Variants in NKX2-5 observed in about 807,000 individuals in gnomAD.
NKX2-5 encodes homeobox protein Nkx-2.5.
Under a neutral mutation model 24.5 loss-of-function variants are expected in NKX2-5, and 3 were observed. The ratio of observed to expected loss-of-function variants is 0.12; its 90% CI spans 0.06 to 0.32. NKX2-5 has a LOEUF of 0.32. NKX2-5 is among the 10% of genes least tolerant of loss of function. The probability of loss-of-function intolerance (pLI) is 1.00; values close to 1 mark genes in which losing one functional copy is unlikely to be tolerated. For synonymous variants in NKX2-5, 215 were observed against 217.6 expected, an observed-to-expected ratio of 0.99 and a Z score of 0.11; for missense variants, 429 against 452.4, an observed-to-expected ratio of 0.95 and a Z score of 0.47.
At position 173,232,946 on chromosome 5, in the gene NKX2-5, G is replaced by T. The variant is rs763219076; in HGVS notation, c.598C>A (p.Gln200Lys). Residue 200 changes from glutamine to lysine, a missense_variant, in exon 2 of 2, where the codon CAG becomes AAG. By Grantham distance (53) the Gln-to-Lys change is moderately conservative. Transcript: ENST00000329198. This position sits in a 1 kb window ranked among gnomAD's most constrained non-coding sequence, Gnocchi z 5.9. ...RYKCKRQRQD[Q>K]TLELVGLPPP... The stretch of plus-strand genomic sequence containing the variant: ...GGCAGCCCCACCAGCTCCAGAGTCT[G>T]GTCCTGCCGCTGCCGCTTGCACTTG... 1 of 1,606,288 alleles carries T rather than the reference G, an allele frequency of 6.2e-7. No homozygotes were observed. Among genetic ancestry groups the T allele is most frequent in the Non-Finnish European group, 8.5e-7 (1 of 1,177,212 alleles).
At chr5:173,233,310 G>A (rs751313458) in intron 1 of NKX2-5, 101 bp from the exon 2 acceptor site, 26 of 1,540,704 alleles carry the variant, frequency 1.7e-5, no homozygotes, top group Non-Finnish European at 1.7e-6. Context: ...GGAGGCCACT[G>A]TGTCCTGCCT....
At position 173,232,505 on chromosome 5, in the gene NKX2-5, C is replaced by T. The variant is rs749630592; in HGVS notation, c.*64G>A. 46 of 1,588,968 alleles carry T rather than the reference C, an allele frequency of 2.9e-5. No homozygotes were observed. Among genetic ancestry groups the T allele is most frequent in the Non-Finnish European group, 3.7e-5 (43 of 1,175,062 alleles). On this transcript the variant is annotated 3_prime_UTR_variant, in exon 2 of 2. Coordinates refer to ENST00000329198, the MANE Select transcript of NKX2-5 (RefSeq NM_004387.4). The surrounding 1 kb of genome is among the most constrained non-coding windows in gnomAD (Gnocchi z 5.9). The stretch of plus-strand genomic sequence containing the variant: ...AGGGTCATGTTGGGAGCCCCTTCTC[C>T]CCCCGAGAGTCAGGGAGCTGTTGAG...
At position 173,232,686 on chromosome 5, in the gene NKX2-5, G is replaced by A. The variant is rs775959611; in HGVS notation, c.858C>T (p.Ala286=). The A allele has an allele frequency of 3.1e-6, 5 of 1,610,876 alleles. No individual in the cohort carries two copies. The highest frequency in any genetic ancestry group is 3.4e-6 in the Non-Finnish European group (4 of 1,178,176). The change falls in exon 2 of 2, where the codon GCC becomes GCT. Residue 286 remains alanine, a synonymous_variant. Coordinates refer to ENST00000329198, the MANE Select transcript of NKX2-5 (RefSeq NM_004387.4). This position sits in a 1 kb window ranked among gnomAD's most constrained non-coding sequence, Gnocchi z 5.9. ...AGPSPAQPAT[A]AANNNFVNFG... is the part of the protein sequence containing the mutation. Reference sequence around the variant, plus strand: ...AGTTCACGAAGTTGTTGTTGGCGGCGGCAGTGGCCGGCTGCGCTGGGGAAG... The same window carrying A: ...AGTTCACGAAGTTGTTGTTGGCGGCAGCAGTGGCCGGCTGCGCTGGGGAAG...
chr5:173,233,662 T>A (rs901752760), intron 1 of NKX2-5, among the ~76,000 whole-genome samples: 3 of 152,114 alleles, frequency 2.0e-5, no homozygotes, highest in Non-Finnish European at 4.4e-5. Context: ...AATTAAGGAA[T>A]CAAGAAACAG....
At chr5:173,233,579 T>C in intron 1 of NKX2-5, 1 of 751,804 alleles carries the variant, frequency 1.3e-6, no homozygotes, top group Non-Finnish European at 2.1e-6. Flanking sequence ...TGAACTGAAT[T>C]AGGGCTAGTT....
chr5:173,233,942 C>T (rs1761400033), intron 1 of NKX2-5: 1 of 1,188,922 alleles, frequency 8.4e-7, no homozygotes, highest in Non-Finnish European at 1.1e-6. Flanking sequence ...CGGGAATCGC[C>T]CGGGCTCCTG....
rs1761402435 is a variant in NKX2-5, at chr5:173,234,021, G to A, written c.334+729C>T. On this transcript the variant is annotated intron_variant, in intron 1 of 1. Coordinates refer to ENST00000329198, the MANE Select transcript of NKX2-5 (RefSeq NM_004387.4). ...GGCCGGCCTCCCTCCCCGATCCTGGGATGGCCTGCGGGATGATCCCGCACT... is the reference window on the plus strand; with the variant it reads ...GGCCGGCCTCCCTCCCCGATCCTGGAATGGCCTGCGGGATGATCCCGCACT... 2.3e-6 allele frequency: 3 copies of A among 1,277,362 alleles called. No individual in the cohort carries two copies. The South Asian group carries it at 3.8e-5, about 16-fold the overall frequency. The allele number at this position is 1,277,362 out of a possible 1,614,324, so 79.1% of individuals were successfully genotyped here.
intron 1 of NKX2-5, chr5:173,233,442 C>T (rs1424496401): frequency 6.5e-7 from 1 of 1,531,302 alleles, no homozygotes; most frequent in Non-Finnish European, 8.7e-7. Flanking sequence ...CGGGAGGTCT[C>T]TGCCCTCGGG....
intron 1 of NKX2-5, chr5:173,234,181 G>C (rs996383524): frequency 5.7e-5 from 73 of 1,276,494 alleles, no homozygotes; most frequent in Non-Finnish European, 7.4e-5. Flanking sequence ...AGGGTCCGCA[G>C]TATCCCATTT....
At chr5:173,233,354 A>G in intron 1 of NKX2-5, 145 bp from the exon 2 acceptor site, 1 of 1,537,016 alleles carries the variant, frequency 6.5e-7, no homozygotes, top group Non-Finnish European at 8.7e-7. Context: ...CACTCTGCCA[A>G]GTGCACTGGG....
intron 1 of NKX2-5, chr5:173,234,127 G>A: frequency 7.8e-7 from 1 of 1,289,216 alleles, no homozygotes; most frequent in Non-Finnish European, 1.0e-6. Context: ...CCCTGGCCGC[G>A]CCGGCAAGTT....
In NKX2-5 at chr5:173,232,520, G is replaced by C. The variant is rs748427974; in HGVS notation, c.*49C>G. 3 of 1,597,488 alleles carry C rather than the reference G, an allele frequency of 1.9e-6. No individual in the cohort carries two copies. The highest frequency in any genetic ancestry group is 8.5e-7 in the Non-Finnish European group (1 of 1,178,688). Reference sequence around the variant, plus strand: ...GCCCCTTCTCCCCCCGAGAGTCAGGGAGCTGTTGAGGTGGGATCGGTCAGG... The same window carrying C: ...GCCCCTTCTCCCCCCGAGAGTCAGGCAGCTGTTGAGGTGGGATCGGTCAGG... On this transcript the variant is annotated 3_prime_UTR_variant, in exon 2 of 2. Coordinates refer to ENST00000329198, the MANE Select transcript of NKX2-5 (RefSeq NM_004387.4). The surrounding 1 kb of genome is among the most constrained non-coding windows in gnomAD (Gnocchi z 5.9).
intron 1 of NKX2-5, chr5:173,233,633 A>G (rs1467114824): frequency 4.6e-6 from 3 of 651,942 alleles, no homozygotes; most frequent in Non-Finnish European, 5.0e-6. Flanking sequence ...CCTCACTGCT[A>G]GGGACGGTCT....
In NKX2-5 at chr5:173,234,822, C is replaced by A; in HGVS notation, c.262G>T (p.Ala88Ser). 1.3e-6 allele frequency: 2 copies of A among 1,584,598 alleles called. No individual in the cohort carries two copies. The highest frequency in any genetic ancestry group is 1.2e-5 in the South Asian group (1 of 86,674). Residue 88 changes from alanine to serine, a missense_variant, in exon 1 of 2, where the codon GCC (alanine) becomes TCC (serine). Physicochemically the swap from Ala to Ser is moderately conservative, Grantham distance 99. Coordinates refer to ENST00000329198, the MANE Select transcript of NKX2-5 (RefSeq NM_004387.4). ...GCACGTGGATAGAAGGCGGGGGCGG[C>A]GGGAAAGGCAGACGCACACTTGGCC... ...SPAKCASAFP[A>S]APAFYPRAYS...
Position 173,232,945 on chromosome 5 carries a change from T to C in NKX2-5, c.599A>G (p.Gln200Arg). Residue 200 changes from glutamine (Q) to arginine (R), a missense_variant, in exon 2 of 2, where the codon CAG (glutamine) becomes CGG (arginine). Gln to Arg is a conservative substitution (Grantham distance 43, BLOSUM62 1). This residue lies in a region of NKX2-5 where 183 missense variants were observed against 185.9 expected (regional missense o/e 0.98). Coordinates refer to ENST00000329198, the MANE Select transcript of NKX2-5 (RefSeq NM_004387.4). The surrounding 1 kb of genome is among the most constrained non-coding windows in gnomAD (Gnocchi z 5.9). ...RYKCKRQRQD[Q>R]TLELVGLPPP... ...GGGCAGCCCCACCAGCTCCAGAGTC[T>C]GGTCCTGCCGCTGCCGCTTGCACTT... The C allele has an allele frequency of 6.2e-7, 1 of 1,606,080 alleles. No individual in the cohort carries two copies. Among genetic ancestry groups the C allele is most frequent in the Non-Finnish European group, 8.5e-7 (1 of 1,177,044 alleles).
intron 1 of NKX2-5, 56 bp from the exon 2 acceptor site, chr5:173,233,265 A>G: frequency 6.4e-7 from 1 of 1,571,372 alleles, no homozygotes; most frequent in South Asian, 1.1e-5. Flanking sequence ...TGACCTACGG[A>G]GCGCGGCCGC....
chr5:173,233,867 T>C (rs1761397618), intron 1 of NKX2-5: 1 of 985,332 alleles, frequency 1.0e-6, no homozygotes, highest in Admixed American at 6.1e-5. Context: ...TCAACAAACC[T>C]ATGAATTCTC....
Position 173,235,143 on chromosome 5 carries a change from C to A in NKX2-5, c.-60G>T. On this transcript the variant is annotated 5_prime_UTR_variant, in exon 1 of 2. Transcript: ENST00000329198. The stretch of plus-strand genomic sequence containing the variant: ...GGCAGAAAGCGGCGCTGCCCACGGC[C>A]CCTGGCAGCTTCCCTGCATGGTGCC... The A allele has an allele frequency of 6.6e-7, 1 of 1,518,600 alleles. No individual in the cohort carries two copies. Among genetic ancestry groups the A allele is most frequent in the Non-Finnish European group, 8.9e-7 (1 of 1,128,012 alleles). The allele number at this position is 1,518,600 out of a possible 1,614,324, so 94.1% of individuals were successfully genotyped here. A position where few individuals can be genotyped will look rare whatever the true frequency, so the allele number is the denominator to read the frequency against.
At chr5:173,233,901 C>T in intron 1 of NKX2-5, 1 of 1,182,458 alleles carries the variant, frequency 8.5e-7, no homozygotes. Context: ...CGGCCCTTCG[C>T]CCAGCGCTTC....
Sources: allele counts gnomAD v4.1 joint callset (sites outside exome capture counted in the v4.1 genomes callset), GRCh38; gene constraint gnomAD v4.1.1; regional missense constraint gnomAD v4.1.1; non-coding constraint Gnocchi (gnomAD v3.1); transcripts MANE v1.5; gene names NCBI Gene and HGNC (gene_info 2026-07-23, HGNC 2026-07-21).